The following SDC4 variants were observed in gnomAD, a reference collection of about 807,000 sequenced individuals.
SDC4 encodes syndecan 4.
Under a neutral mutation model 20.5 loss-of-function variants are expected in SDC4, and 17 were observed. The observed-to-expected ratio is 0.83, with a 90% confidence interval of 0.57 to 1.25. SDC4 has a LOEUF of 1.25. Ranked by LOEUF, SDC4 falls within the 50% of genes most tolerant of loss-of-function variation. The pLI, the probability that SDC4 is intolerant of heterozygous loss-of-function variation, is 0.00. For missense variants in SDC4, 241 were observed against 252.3 expected, an observed-to-expected ratio of 0.96 and a Z score of 0.30; for synonymous variants, 107 against 105.3, an observed-to-expected ratio of 1.02 and a Z score of -0.10.
At chr20:45,332,262 C>A (rs1172526371) in intron 3 of SDC4, among the ~76,000 whole-genome samples, 1 of 151,256 alleles carries the variant, frequency 6.6e-6, no homozygotes, top group Non-Finnish European at 1.5e-5. Context: ...TTCAAGCGAT[C>A]CTCCTACCTC....
rs1245158053 is a variant in SDC4 at position 45,326,476 on chromosome 20, ATTAAATACAAAC to A, written c.*776_*787del. 1 of 152,074 alleles carries A rather than the reference ATTAAATACAAAC, an allele frequency of 6.6e-6. No individual in the cohort carries two copies. The highest frequency in any genetic ancestry group is 1.5e-5 in the Non-Finnish European group (1 of 68,018). 9.4% of individuals were successfully genotyped at this position (152,074 alleles called of 1,614,324 possible). ...ACAAACAAAAACAAAAACAAAAACC[ATTAAATACAAAC>A]TTAGCAGGTGCTGTGGAAATGTGCG... On this transcript the variant is annotated 3_prime_UTR_variant, in exon 5 of 5. Transcript: ENST00000372733.
chr20:45,334,442 A>T (rs1025041503), intron 2 of SDC4, among the ~76,000 whole-genome samples: 6 of 152,170 alleles, frequency 3.9e-5, no homozygotes, highest in Non-Finnish European at 5.9e-5. Context: ...TACTATCTAT[A>T]TGTATCCCAT....
intron 2 of SDC4, among the ~76,000 whole-genome samples, chr20:45,335,581 A>C (rs1987849460): frequency 1.3e-5 from 2 of 152,054 alleles, no homozygotes; most frequent in Non-Finnish European, 2.9e-5. Context: ...CAAAGCAGCA[A>C]ACAGCTTGTC....
intron 2 of SDC4, among the ~76,000 whole-genome samples, chr20:45,333,647 C>T (rs1022668687): frequency 4.6e-5 from 7 of 152,110 alleles, no homozygotes; most frequent in Admixed American, 2.6e-4. Context: ...CCAGCCTGGG[C>T]GACAGAACAA....
At chr20:45,332,064 G>T (rs1310054137) in intron 3 of SDC4, among the ~76,000 whole-genome samples, 1 of 152,010 alleles carries the variant, frequency 6.6e-6, no homozygotes, top group Non-Finnish European at 1.5e-5. Context: ...AAACTATTAC[G>T]CAGCCTATAA....
chr20:45,348,238 C>CA (rs1988063443), intron 1 of SDC4, 87 bp downstream of exon 1: 2 of 1,143,982 alleles, frequency 1.7e-6, no homozygotes, highest in African/African-American at 1.6e-5. Flanking sequence ...CCGATCTGCC[C>CA]CCCCCCATCC....
chr20:45,346,589 C>T (rs1391842987), intron 1 of SDC4, among the ~76,000 whole-genome samples: 2 of 152,200 alleles, frequency 1.3e-5, no homozygotes, highest in African/African-American at 4.8e-5. Context: ...GGGTCCTTTC[C>T]TCTTTTTCCC....
In SDC4 at chr20:45,347,407, CT is replaced by C. The variant is rs367977253; in HGVS notation, c.60+917del. Among the ~76,000 whole-genome samples, 694 of 152,244 alleles carry C rather than the reference CT, an allele frequency of 4.6e-3. 3 individuals are homozygous for C. The highest frequency in any genetic ancestry group is 0.016 in the African/African-American group (665 of 41,522). On this transcript the variant is annotated intron_variant, in intron 1 of 4. Coordinates refer to ENST00000372733, the MANE Select transcript of SDC4 (RefSeq NM_002999.4). ...CAACTTCCCAGATGAGATTGCCCCCCTCCTCCTAAGCCGGCTGCGGGCATGG... is the reference window on the plus strand; with the variant it reads ...CAACTTCCCAGATGAGATTGCCCCCCCCTCCTAAGCCGGCTGCGGGCATGG...
At chr20:45,334,426 C>T (rs1987830271) in intron 2 of SDC4, among the ~76,000 whole-genome samples, 1 of 152,154 alleles carries the variant, frequency 6.6e-6, no homozygotes, top group African/African-American at 2.4e-5. Context: ...ACTGTAGTAA[C>T]ATTTTTACTA....
rs374554018 is a variant in SDC4 at position 45,330,488 on chromosome 20, T to C, written c.323A>G (p.Glu108Gly). ...GATTCTCTTGGGGATAACCTCATTC[T>C]CCTCTAGTTTCTTGGGTTCGGTGGG... ...QVPTEPKKLE[E>G]NEVIPKRISP... Residue 108 changes from glutamate to glycine, a missense_variant, in exon 4 of 5, where the codon GAG becomes GGG. Glu to Gly is a moderately conservative substitution (Grantham distance 98). Transcript: ENST00000372733. 10 of 1,614,046 alleles carry C rather than the reference T, an allele frequency of 6.2e-6. No homozygotes were observed. The highest frequency in any genetic ancestry group is 6.8e-6 in the Non-Finnish European group (8 of 1,179,878).
At position 45,343,679 on chromosome 20, in the gene SDC4, A is replaced by AGATAAGGGGGATAAGGGGGATAAGGGG. The variant is rs1180637281; in HGVS notation, c.60+4645_60+4646insCCCCTTATCCCCCTTATCCCCCTTATC. On this transcript the variant is annotated intron_variant, in intron 1 of 4. Transcript: ENST00000372733. The stretch of plus-strand genomic sequence containing the variant: ...CTTCCCACCTCCCAGCTGTGGGGGT[A>AGATAAGGGGGATAAGGGGGATAAGGGG]GATAAGGGGGATAAGGGGGATGGAG... Among the ~76,000 whole-genome samples the AGATAAGGGGGATAAGGGGGATAAGGGG allele has an allele frequency of 2.0e-5, 3 of 152,314 alleles. No individual in the cohort carries two copies. In the East Asian group the frequency reaches 5.8e-4, roughly 29 times the overall value.
chr20:45,329,307 C>T (rs776319350), intron 4 of SDC4, among the ~76,000 whole-genome samples: 6 of 152,192 alleles, frequency 3.9e-5, no homozygotes, highest in Non-Finnish European at 8.8e-5. Context: ...CCTCAGTCTC[C>T]CCATGTATAA....
intron 1 of SDC4, among the ~76,000 whole-genome samples, chr20:45,342,862 C>T (rs1987974447): frequency 6.6e-6 from 1 of 152,098 alleles, no homozygotes; most frequent in South Asian, 2.1e-4. Flanking sequence ...GCACAGACAC[C>T]ACCTCCCCAA....
At chr20:45,339,076 A>G (rs902677463) in intron 1 of SDC4, among the ~76,000 whole-genome samples, 2 of 152,226 alleles carry the variant, frequency 1.3e-5, no homozygotes, top group Non-Finnish European at 2.9e-5. Context: ...GAGGGAAGGC[A>G]ACTCCAAAGT....
chr20:45,334,262 G>A (rs1219386832), intron 2 of SDC4, among the ~76,000 whole-genome samples: 3 of 152,080 alleles, frequency 2.0e-5, no homozygotes, highest in Non-Finnish European at 4.4e-5. Flanking sequence ...CTCCCACAGT[G>A]CTTCAATTAC....
intron 1 of SDC4, among the ~76,000 whole-genome samples, chr20:45,342,717 G>A (rs2251252): frequency 0.43 from 65,926 of 151,886 alleles, 14,400 homozygotes; most frequent in East Asian, 0.47. Context: ...GAGGAAGGAT[G>A]GCTGTAGAAA....
At chr20:45,345,368 C>G (rs1386213028) in intron 1 of SDC4, 1 of 152,150 alleles carries the variant, frequency 6.6e-6, no homozygotes, top group African/African-American at 2.4e-5. Context: ...TGGAGGCTAC[C>G]CTGTTCAAAC....
In SDC4 at chr20:45,327,297, G is replaced by A. The variant is rs1987706829; in HGVS notation, c.564C>T (p.Tyr188=). ...AGAACTCATTGGTGGGGGCTTTCTT[G>A]TAGATGGGTTTCTTGCCCAGGTCAT... ...GSYDLGKKPI[Y]KKAPTNEFYA Residue 188 remains tyrosine, a synonymous_variant, in exon 5 of 5, where the codon TAC becomes TAT. Coordinates refer to ENST00000372733, the MANE Select transcript of SDC4 (RefSeq NM_002999.4). The A allele has an allele frequency of 6.2e-7, 1 of 1,614,194 alleles. No homozygotes were observed. Among genetic ancestry groups the A allele is most frequent in the Non-Finnish European group, 8.5e-7 (1 of 1,180,034 alleles).
At chr20:45,331,089 C>A (rs985151866) in intron 3 of SDC4, among the ~76,000 whole-genome samples, 1 of 152,318 alleles carries the variant, frequency 6.6e-6, no homozygotes, top group East Asian at 1.9e-4. Flanking sequence ...AGAACCCTCT[C>A]CCTTGGGGTC....
Sources: gnomAD v4.1 joint callset for allele counts (sites outside exome capture counted in the v4.1 genomes callset) on GRCh38, gnomAD v4.1.1 for gene constraint, MANE v1.5 for transcripts, NCBI Gene and HGNC (gene_info 2026-07-23, HGNC 2026-07-21) for gene names.